The following AKNAD1 variants were observed in gnomAD, a reference collection of about 807,000 sequenced individuals.
AKNAD1 encodes AKNA domain containing 1.
AKNAD1 carries 67 observed loss-of-function variants against 90.8 expected under a neutral mutation model. That is an observed-to-expected ratio of 0.74 (90% confidence interval 0.61 to 0.90). AKNAD1 has a LOEUF of 0.90. Ranked by LOEUF, AKNAD1 falls within the 40% of genes least tolerant of loss-of-function variation. The pLI, the probability that AKNAD1 is intolerant of heterozygous loss-of-function variation, is 0.00. For synonymous variants in AKNAD1, 327 were observed against 341.4 expected, an observed-to-expected ratio of 0.96 and a Z score of 0.46; for missense variants, 957 against 975.4, an observed-to-expected ratio of 0.98 and a Z score of 0.25.
Position 108,851,843 on chromosome 1 carries a change from C to G in AKNAD1, c.822G>C (p.Lys274Asn), listed in dbSNP as rs777288194. ...CTATTGCAAGTGGTTTATTAATTAT[C>G]TTATTTTTAGGAATTTTCACTTTGG... Reference protein sequence around the residue: ...IAPKVKIPKNKIINKPLAIAK... With the variant: ...IAPKVKIPKNNIINKPLAIAK... The change falls in exon 2 of 16, where the codon AAG becomes AAC. Residue 274 changes from lysine to asparagine, a missense_variant. Transcript: ENST00000370001. 5 of 1,613,590 alleles carry G rather than the reference C, an allele frequency of 3.1e-6. No individual in the cohort carries two copies. The highest frequency in any genetic ancestry group is 1.7e-5 in the Admixed American group (1 of 59,888).
At chr1:108,824,622 A>AT (rs945848300) in intron 11 of AKNAD1, among the ~76,000 whole-genome samples, 9 of 151,430 alleles carry the variant, frequency 5.9e-5, no homozygotes, top group South Asian at 2.1e-4. Context: ...TGCTATTTTT[A>AT]TTTTTTTTGA....
At position 108,849,694 on chromosome 1, in the gene AKNAD1, C is replaced by T. The variant is rs575652382; in HGVS notation, c.994-118G>A. ...GGAGCCCAGGTTTGCAGTCAAGAGC[C>T]GGAGCCATGATGCCAAGGTTGAATT... On this transcript the variant is annotated intron_variant, in intron 2 of 15. Coordinates refer to ENST00000370001, the MANE Select transcript of AKNAD1 (RefSeq NM_152763.5). 2.3e-4 allele frequency: 166 copies of T among 711,050 alleles called. No homozygotes were observed. The Middle Eastern group carries it at 3.5e-3, about 15-fold the overall frequency. The allele number at this position is 711,050 out of a possible 1,614,324, so 44.0% of individuals were successfully genotyped here.
chr1:108,822,455 AATCT>A (rs918998653), intron 13 of AKNAD1, among the ~76,000 whole-genome samples: 44 of 152,334 alleles, frequency 2.9e-4, no homozygotes, highest in African/African-American at 1.0e-3. Context: ...ATAGTGAAGA[AATCT>A]GTCCTGTGGC....
chr1:108,843,320 TG>T (rs1664608312), intron 5 of AKNAD1, 53 bp from the exon 6 acceptor site: 2 of 1,599,296 alleles, frequency 1.3e-6, no homozygotes, highest in Admixed American at 3.4e-5. Context: ...TGTGTGTAAT[TG>T]TTTTCCCAAA....
At chr1:108,851,367 T>C (rs1664857284) in intron 2 of AKNAD1, among the ~76,000 whole-genome samples, 1 of 152,232 alleles carries the variant, frequency 6.6e-6, no homozygotes. Context: ...GAAGAGGTTC[T>C]GGACCAGCCA....
rs1014056625 is a variant in AKNAD1, at chr1:108,820,595, C to T, written c.2199G>A (p.Gln733=). The T allele has an allele frequency of 6.2e-7, 1 of 1,611,754 alleles. No individual in the cohort carries two copies. Among genetic ancestry groups the T allele is most frequent in the South Asian group, 1.1e-5 (1 of 90,820 alleles). Residue 733 remains glutamine, a synonymous_variant, in exon 14 of 16, where the codon CAG becomes CAA. Transcript: ENST00000370001. ...CTTTAAAGGATTTTGAATTCACTCTCTGAGAACAGATCCGTTTGGGTTTTA... is the reference window on the plus strand; with the variant it reads ...CTTTAAAGGATTTTGAATTCACTCTTTGAGAACAGATCCGTTTGGGTTTTA... The part of the protein sequence containing the change: ...SFLKPKRICS[Q]RVNSKSFKGE...
At chr1:108,842,355 C>A (rs1245437247) in intron 6 of AKNAD1, among the ~76,000 whole-genome samples, 1 of 152,124 alleles carries the variant, frequency 6.6e-6, no homozygotes, top group East Asian at 1.9e-4. Flanking sequence ...TAAATAGTTT[C>A]TTTTAATTTA....
Position 108,852,346 on chromosome 1 carries a change from A to C in AKNAD1, c.319T>G (p.Ser107Ala), listed in dbSNP as rs1664893665. Residue 107 changes from serine to alanine, a missense_variant, in exon 2 of 16, where the codon TCA becomes GCA. Coordinates refer to ENST00000370001, the MANE Select transcript of AKNAD1 (RefSeq NM_152763.5). ...IPANEGDASK[S>A]SISDILLHHL... is the part of the protein sequence containing the mutation. Reference sequence around the variant, plus strand: ...TGAAGTAAAATATCAGAAATGCTTGACTTAGAAGCGTCTCCTTCATTTGCT... The same window carrying C: ...TGAAGTAAAATATCAGAAATGCTTGCCTTAGAAGCGTCTCCTTCATTTGCT... 1 of 1,613,986 alleles carries C rather than the reference A, an allele frequency of 6.2e-7. No homozygotes were observed. Among genetic ancestry groups the C allele is most frequent in the Non-Finnish European group, 8.5e-7 (1 of 1,180,006 alleles).
chr1:108,846,450 G>A (rs147405979), intron 5 of AKNAD1, among the ~76,000 whole-genome samples: 24 of 152,186 alleles, frequency 1.6e-4, no homozygotes, highest in African/African-American at 3.6e-4. Flanking sequence ...CTTGCTTATC[G>A]TTGTTTCTTC....
intron 10 of AKNAD1, among the ~76,000 whole-genome samples, chr1:108,827,768 C>A (rs7517916): frequency 0.27 from 38,675 of 145,756 alleles, 5,806 homozygotes; most frequent in African/African-American, 0.29. Context: ...GAGCCGAGAT[C>A]GCGCCACTGC....
chr1:108,852,168 G>C lies in AKNAD1; in HGVS notation c.497C>G (p.Pro166Arg). The C allele has an allele frequency of 6.2e-7, 1 of 1,613,950 alleles. No individual in the cohort carries two copies. The highest frequency in any genetic ancestry group is 8.5e-7 in the Non-Finnish European group (1 of 1,179,994). The change falls in exon 2 of 16, where the codon CCA becomes CGA. Residue 166 changes from proline to arginine, a missense_variant. Physicochemically the swap from Pro to Arg is moderately radical, Grantham distance 103. Transcript: ENST00000370001. ...NKNSWPKEQT[P>R]ELTDQLNPKR... is the part of the protein sequence containing the mutation. ...CGGGTTGAGTTGGTCAGTGAGTTCT[G>C]GGGTTTGTTCTTTTGGCCAAGAATT...
At chr1:108,845,709 G>A (rs1261484521) in intron 5 of AKNAD1, among the ~76,000 whole-genome samples, 1 of 152,188 alleles carries the variant, frequency 6.6e-6, no homozygotes, top group Non-Finnish European at 1.5e-5. Flanking sequence ...GAAGAATGTG[G>A]TAGACCTGAC....
chr1:108,830,529 C>G, intron 10 of AKNAD1, 30 bp downstream of exon 10: 1 of 1,609,372 alleles, frequency 6.2e-7, no homozygotes, highest in Non-Finnish European at 8.5e-7. Flanking sequence ...TCCAATCCAC[C>G]CTGGGAATGT....
intron 10 of AKNAD1, among the ~76,000 whole-genome samples, chr1:108,830,113 G>C (rs1191088909): frequency 6.6e-6 from 1 of 152,152 alleles, no homozygotes; most frequent in African/African-American, 2.4e-5. Context: ...CTCATCATAA[G>C]GAGAGAGTAG....
chr1:108,849,688 A>T, intron 2 of AKNAD1, 112 bp from the exon 3 acceptor site: 1 of 763,530 alleles, frequency 1.3e-6, no homozygotes, highest in Non-Finnish European at 2.2e-6. Context: ...GTTTGCAGTC[A>T]AGAGCCGGAG....
chr1:108,852,166 C>T lies in AKNAD1; in HGVS notation c.499G>A (p.Glu167Lys). 2.5e-6 allele frequency: 4 copies of T among 1,613,932 alleles called. No homozygotes were observed. Among genetic ancestry groups the T allele is most frequent in the Non-Finnish European group, 3.4e-6 (4 of 1,180,006 alleles). Residue 167 changes from glutamate to lysine, a missense_variant, in exon 2 of 16, where the codon GAA (glutamate) becomes AAA (lysine). Glu to Lys is a moderately conservative substitution (Grantham distance 56). Transcript: ENST00000370001. ...KNSWPKEQTP[E>K]LTDQLNPKRD... The stretch of plus-strand genomic sequence containing the variant: ...TTCGGGTTGAGTTGGTCAGTGAGTT[C>T]TGGGGTTTGTTCTTTTGGCCAAGAA...
chr1:108,830,650 C>T lies in AKNAD1; in HGVS notation c.1747G>A (p.Glu583Lys). Residue 583 changes from glutamate to lysine, a missense_variant and splice_region_variant, in exon 10 of 16, where the codon GAG becomes AAG. By Grantham distance (56) the Glu-to-Lys change is moderately conservative. Coordinates refer to ENST00000370001, the MANE Select transcript of AKNAD1 (RefSeq NM_152763.5). The part of the protein sequence containing the change: ...VAMRLSSNSG[E>K]DPNGTPRRQD... Reference sequence around the variant, plus strand: ...CTTCTTGGAGTGCCGTTGGGATCCTCCTGCGCCACAAAGCACACAGATGGA... The same window carrying T: ...CTTCTTGGAGTGCCGTTGGGATCCTTCTGCGCCACAAAGCACACAGATGGA... The T allele has an allele frequency of 6.2e-7, 1 of 1,614,102 alleles. No homozygotes were observed. The highest frequency in any genetic ancestry group is 8.5e-7 in the Non-Finnish European group (1 of 1,180,036).
intron 5 of AKNAD1, among the ~76,000 whole-genome samples, chr1:108,847,461 C>T (rs200148443): frequency 7.3e-6 from 1 of 137,684 alleles, no homozygotes; most frequent in Non-Finnish European, 1.6e-5. Flanking sequence ...AAAAAAAAAA[C>T]AAAAAAAAAA....
At position 108,827,397 on chromosome 1, in the gene AKNAD1, T is replaced by G. The variant is rs185999151; in HGVS notation, c.1839-95A>C. The G allele has an allele frequency of 3.8e-5, 35 of 923,694 alleles. 4 individuals are homozygous for G. In the East Asian group the frequency reaches 8.5e-4, roughly 22 times the overall value. 57.2% of individuals were successfully genotyped at this position (923,694 alleles called of 1,614,324 possible). Reference sequence around the variant, plus strand: ...AGTTGAAACGTTAAATTTTGTTATATTAGAGCCTGGAACAGTGTAGGAGGG... The same window carrying G: ...AGTTGAAACGTTAAATTTTGTTATAGTAGAGCCTGGAACAGTGTAGGAGGG... On this transcript the variant is annotated intron_variant, in intron 10 of 15. Transcript: ENST00000370001.
Sources: allele counts gnomAD v4.1 joint callset (sites outside exome capture counted in the v4.1 genomes callset), GRCh38; gene constraint gnomAD v4.1.1; transcripts MANE v1.5; gene names NCBI Gene and HGNC (gene_info 2026-07-23, HGNC 2026-07-21).